The following LRBA variants were observed in gnomAD, a reference collection of about 807,000 sequenced individuals.
The protein encoded by LRBA is lipopolysaccharide-responsive and beige-like anchor protein.
LRBA carries 176 observed loss-of-function variants against 330.0 expected under a neutral mutation model. The ratio of observed to expected loss-of-function variants is 0.53; its 90% CI spans 0.47 to 0.60. The LOEUF (loss-of-function observed/expected upper bound fraction) is 0.60. LRBA is among the 20% of genes least tolerant of loss of function. The pLI is 0.00. For missense variants in LRBA, 3,259 were observed against 3,444.8 expected (o/e 0.95, Z 1.35); for synonymous variants, 1,230 against 1,193.0 (o/e 1.03, Z -0.64).
At chr4:150,266,169 G>GC (rs1437749608) in intron 56 of LRBA, among the ~76,000 whole-genome samples, 1 of 152,134 alleles carries the variant, frequency 6.6e-6, no homozygotes, top group Non-Finnish European at 1.5e-5. Flanking sequence ...CATTATATAA[G>GC]CAACAGACTC....
intron 48 of LRBA, among the ~76,000 whole-genome samples, chr4:150,326,832 A>C (rs1307148866): frequency 6.6e-6 from 1 of 152,212 alleles, no homozygotes; most frequent in Non-Finnish European, 1.5e-5. Context: ...CACTCCCGTA[A>C]CAGTCAGTAT....
intron 34 of LRBA, among the ~76,000 whole-genome samples, chr4:150,762,077 T>C (rs576718056): frequency 4.6e-5 from 7 of 152,108 alleles, no homozygotes; most frequent in South Asian, 2.1e-4. Context: ...TCTTGCCCTT[T>C]TCATTACATA....
At chr4:150,326,738 G>T (rs745779631) in intron 48 of LRBA, among the ~76,000 whole-genome samples, 2 of 152,166 alleles carry the variant, frequency 1.3e-5, no homozygotes, top group African/African-American at 2.4e-5. Flanking sequence ...TTCACTGTTA[G>T]ATCCCTAAAT....
intron 56 of LRBA, among the ~76,000 whole-genome samples, chr4:150,268,802 T>G (rs950713352): frequency 3.3e-5 from 5 of 152,200 alleles, no homozygotes; most frequent in African/African-American, 1.2e-4. Flanking sequence ...CCACACTCGA[T>G]GAAAAAAAGT....
chr4:150,845,680 AG>A (rs896706249), intron 26 of LRBA, among the ~76,000 whole-genome samples: 17 of 152,204 alleles, frequency 1.1e-4, no homozygotes, highest in African/African-American at 4.1e-4. Flanking sequence ...GAATTTAGAA[AG>A]AAAGTGTTCT....
chr4:150,731,032 A>T (rs950791962), intron 36 of LRBA, among the ~76,000 whole-genome samples: 1 of 152,134 alleles, frequency 6.6e-6, no homozygotes, highest in African/African-American at 2.4e-5. Context: ...AACAAAACAA[A>T]ACAAAAGATG....
chr4:150,588,891 C>A (rs1772450661), intron 39 of LRBA, among the ~76,000 whole-genome samples: 1 of 152,124 alleles, frequency 6.6e-6, no homozygotes, highest in Non-Finnish European at 1.5e-5. Context: ...ATAATCAAAT[C>A]TCCACAGGGC....
chr4:150,507,004 G>A (rs960499096), intron 40 of LRBA, among the ~76,000 whole-genome samples: 1 of 151,334 alleles, frequency 6.6e-6, no homozygotes, highest in Non-Finnish European at 1.5e-5. Flanking sequence ...AAAATACCTA[G>A]GAATCCAACT....
chr4:150,435,000 C>CAG (rs1750922320), intron 46 of LRBA, among the ~76,000 whole-genome samples: 1 of 151,774 alleles, frequency 6.6e-6, no homozygotes, highest in Non-Finnish European at 1.5e-5. Context: ...CAACAAAAGA[C>CAG]AGAGAGAGAG....
At chr4:150,374,918 T>A (rs529669427) in intron 47 of LRBA, among the ~76,000 whole-genome samples, 1 of 152,308 alleles carries the variant, frequency 6.6e-6, no homozygotes, top group South Asian at 2.1e-4. Flanking sequence ...CAGTGTACGG[T>A]CAGGGTCCTA....
At chr4:150,754,746 T>C (rs1410067905) in intron 35 of LRBA, among the ~76,000 whole-genome samples, 1 of 151,892 alleles carries the variant, frequency 6.6e-6, no homozygotes, top group Non-Finnish European at 1.5e-5. Context: ...ACTTATCTCT[T>C]AAAAGAAAAA....
At chr4:150,409,772 T>A (rs1409691719) in intron 47 of LRBA, among the ~76,000 whole-genome samples, 1 of 152,176 alleles carries the variant, frequency 6.6e-6, no homozygotes, top group Non-Finnish European at 1.5e-5. Context: ...TCCTCTTATT[T>A]AGGTGTCCTC....
intron 34 of LRBA, among the ~76,000 whole-genome samples, chr4:150,784,798 T>C (rs1057467269): frequency 3.9e-5 from 6 of 152,120 alleles, no homozygotes; most frequent in Admixed American, 2.0e-4. Context: ...TTATCTAAAC[T>C]GGCATGAGGA....
intron 47 of LRBA, among the ~76,000 whole-genome samples, chr4:150,375,861 G>C (rs1170077181): frequency 6.6e-6 from 1 of 151,992 alleles, no homozygotes; most frequent in Non-Finnish European, 1.5e-5. Context: ...CCAGGGCTCT[G>C]TTTTTGGATT....
intron 28 of LRBA, among the ~76,000 whole-genome samples, chr4:150,837,739 T>C (rs1748368734): frequency 1.3e-5 from 2 of 152,218 alleles, no homozygotes; most frequent in African/African-American, 2.4e-5. Context: ...TCTTGACTCT[T>C]TACCCAATTT....
chr4:150,968,090 C>CA (rs1271897645), intron 2 of LRBA, among the ~76,000 whole-genome samples: 4 of 151,482 alleles, frequency 2.6e-5, no homozygotes, highest in African/African-American at 9.7e-5. Context: ...CTGCAACCTC[C>CA]ACCTCCCAGG....
intron 37 of LRBA, among the ~76,000 whole-genome samples, chr4:150,641,187 A>G (rs1486933263): frequency 6.6e-6 from 1 of 152,130 alleles, no homozygotes; most frequent in African/African-American, 2.4e-5. Flanking sequence ...TACCATACAC[A>G]TTTCGCAGTA....
intron 37 of LRBA, among the ~76,000 whole-genome samples, chr4:150,649,880 A>G (rs779410870): frequency 6.6e-6 from 1 of 152,146 alleles, no homozygotes; most frequent in Non-Finnish European, 1.5e-5. Context: ...GTTTACAAAT[A>G]TGCGGGTGTG....
At chr4:150,605,556 T>C (rs1774537811) in intron 37 of LRBA, among the ~76,000 whole-genome samples, 2 of 152,188 alleles carry the variant, frequency 1.3e-5, no homozygotes, top group Non-Finnish European at 2.9e-5. Flanking sequence ...TCCATATTTT[T>C]AGATTAAAAA....
Sources: allele counts gnomAD v4.1 joint callset (sites outside exome capture counted in the v4.1 genomes callset), GRCh38; gene constraint gnomAD v4.1.1; transcripts MANE v1.5; gene names NCBI Gene and HGNC (gene_info 2026-07-23, HGNC 2026-07-21).